Variants in CDH12 observed in about 807,000 individuals in gnomAD.
CDH12 encodes the protein cadherin-12.
In CDH12, 41 loss-of-function variants were observed where a neutral mutation model predicts 74.1. The observed-to-expected ratio is 0.55, with a 90% confidence interval of 0.43 to 0.72. The LOEUF (loss-of-function observed/expected upper bound fraction) is 0.72. Among genes scored for constraint, CDH12 ranks in the 30% least tolerant of loss-of-function variants. The pLI, the probability that CDH12 is intolerant of heterozygous loss-of-function variation, is 0.00. For missense variants in CDH12, 945 were observed against 977.2 expected (o/e 0.97, Z 0.44); for synonymous variants, 399 against 355.0 (o/e 1.12, Z -1.39).
At chr5:22,407,043 G>A (rs573444078) in intron 2 of CDH12, among the ~76,000 whole-genome samples, 12 of 151,840 alleles carry the variant, frequency 7.9e-5, no homozygotes, top group Non-Finnish European at 1.3e-4. Flanking sequence ...TGAATACTTT[G>A]GCTTCAATTC....
intron 1 of CDH12, among the ~76,000 whole-genome samples, chr5:22,837,230 G>A (rs577642868): frequency 1.3e-5 from 2 of 152,082 alleles, no homozygotes; most frequent in South Asian, 4.2e-4. Flanking sequence ...ACCAGACTGG[G>A]CAACACAGTA....
intron 3 of CDH12, among the ~76,000 whole-genome samples, chr5:22,337,595 C>A (rs1026002389): frequency 6.6e-6 from 1 of 152,162 alleles, no homozygotes; most frequent in Non-Finnish European, 1.5e-5. Context: ...CTGCTGCTAT[C>A]CATGTAAAAC....
At chr5:21,997,582 C>T (rs764487403) in intron 5 of CDH12, among the ~76,000 whole-genome samples, 10 of 152,000 alleles carry the variant, frequency 6.6e-5, no homozygotes, top group Admixed American at 6.6e-5. Context: ...AACAATAGAC[C>T]GGACTTAAAA....
intron 4 of CDH12, among the ~76,000 whole-genome samples, chr5:22,110,933 A>C (rs1255917149): frequency 2.6e-5 from 4 of 152,192 alleles, no homozygotes; most frequent in Admixed American, 6.5e-5. Flanking sequence ...CTTGAAGGCT[A>C]AGGGCAAGAG....
chr5:22,248,999 G>C (rs1001069075), intron 3 of CDH12, among the ~76,000 whole-genome samples: 2 of 151,478 alleles, frequency 1.3e-5, no homozygotes, highest in African/African-American at 4.9e-5. Context: ...ACCTTTTACC[G>C]TTCTGTAAAT....
intron 1 of CDH12, among the ~76,000 whole-genome samples, chr5:22,752,069 A>C (rs1745607955): frequency 6.6e-6 from 1 of 152,176 alleles, no homozygotes. Flanking sequence ...AAAGTAGCAA[A>C]TCTCATACTA....
chr5:22,362,597 T>A (rs1370264522), intron 3 of CDH12, among the ~76,000 whole-genome samples: 1 of 151,958 alleles, frequency 6.6e-6, no homozygotes, highest in African/African-American at 2.4e-5. Context: ...ACCCAAAGGA[T>A]TATAAATCAT....
At chr5:22,359,844 G>A (rs983589404) in intron 3 of CDH12, among the ~76,000 whole-genome samples, 12 of 152,068 alleles carry the variant, frequency 7.9e-5, no homozygotes, top group African/African-American at 2.4e-4. Context: ...GGTACGTAAC[G>A]AAATGAAGGC....
At chr5:22,376,323 A>T (rs561809641) in intron 3 of CDH12, among the ~76,000 whole-genome samples, 2 of 152,242 alleles carry the variant, frequency 1.3e-5, no homozygotes, top group South Asian at 4.1e-4. Context: ...GGGAGGATAA[A>T]GAGAGACTGA....
At chr5:22,609,599 A>G (rs1737292760) in intron 1 of CDH12, among the ~76,000 whole-genome samples, 1 of 152,226 alleles carries the variant, frequency 6.6e-6, no homozygotes, top group South Asian at 2.1e-4. Flanking sequence ...AGAAATGCTC[A>G]TTCTAAGCAA....
intron 1 of CDH12, among the ~76,000 whole-genome samples, chr5:22,537,284 A>C (rs558497953): frequency 1.3e-5 from 2 of 152,360 alleles, no homozygotes; most frequent in Non-Finnish European, 2.9e-5. Context: ...AATACCTTGA[A>C]GAGTGAAAAC....
intron 8 of CDH12, among the ~76,000 whole-genome samples, chr5:21,822,045 G>C (rs1040336913): frequency 6.6e-6 from 1 of 152,016 alleles, no homozygotes; most frequent in Middle Eastern, 3.4e-3. Context: ...GTAGCTCTGT[G>C]ACCCTGGGCA....
intron 1 of CDH12, among the ~76,000 whole-genome samples, chr5:22,723,354 T>C (rs1209419377): frequency 6.6e-6 from 1 of 152,134 alleles, no homozygotes; most frequent in Non-Finnish European, 1.5e-5. Context: ...CATAAGATTT[T>C]CCAGACTATA....
intron 1 of CDH12, among the ~76,000 whole-genome samples, chr5:22,741,353 A>C (rs2127018306): frequency 6.6e-6 from 1 of 152,302 alleles, no homozygotes; most frequent in South Asian, 2.1e-4. Flanking sequence ...ATTTGAGGTT[A>C]AGTTTTAATG....
chr5:22,649,132 T>G (rs998529665), intron 1 of CDH12, among the ~76,000 whole-genome samples: 1 of 152,016 alleles, frequency 6.6e-6, no homozygotes, highest in African/African-American at 2.4e-5. Context: ...AAATGAGGAC[T>G]AAGGTCTTGG....
At chr5:22,055,347 G>A (rs1317308200) in intron 5 of CDH12, among the ~76,000 whole-genome samples, 1 of 152,122 alleles carries the variant, frequency 6.6e-6, no homozygotes, top group African/African-American at 2.4e-5. Flanking sequence ...AAGTAAGAGT[G>A]ACCTGATTTT....
chr5:22,800,870 C>A (rs191003309), intron 1 of CDH12, among the ~76,000 whole-genome samples: 31 of 152,088 alleles, frequency 2.0e-4, no homozygotes, highest in African/African-American at 3.1e-4. Context: ...TTTCACGGCT[C>A]GATAGATTAT....
chr5:22,414,471 A>G (rs1023043738), intron 2 of CDH12, among the ~76,000 whole-genome samples: 3 of 152,002 alleles, frequency 2.0e-5, no homozygotes, highest in African/African-American at 7.2e-5. Context: ...ATATTTCTAT[A>G]CAATAATTGA....
rs572151215 is a variant in CDH12 at position 22,111,242 on chromosome 5, A to T, written c.-186-32380T>A. Reference sequence around the variant, plus strand: ...GGAGGTAACACTCTTGTTACAACCAAATACATATTTATTTGTCAACTGATT... The same window carrying T: ...GGAGGTAACACTCTTGTTACAACCATATACATATTTATTTGTCAACTGATT... On this transcript the variant is annotated intron_variant, in intron 4 of 14. Transcript: ENST00000382254. 4.9e-4 allele frequency among the ~76,000 whole-genome samples: 74 copies of T among 152,284 alleles called. 2 individuals carry two copies. Among genetic ancestry groups the T allele is most frequent in the Non-Finnish European group, 5.9e-5 (4 of 68,024 alleles).
Sources: gnomAD v4.1 joint callset for allele counts (sites outside exome capture counted in the v4.1 genomes callset) on GRCh38, gnomAD v4.1.1 for gene constraint, MANE v1.5 for transcripts, NCBI Gene and HGNC (gene_info 2026-07-23, HGNC 2026-07-21) for gene names.